The following CADM1 variants were observed in gnomAD, a reference collection of about 807,000 sequenced individuals.
CADM1 encodes cell adhesion molecule 1, also known as TSLC-1.
In CADM1, 15 loss-of-function variants were observed where a neutral mutation model predicts 53.1. The observed-to-expected ratio is 0.28, with a 90% confidence interval of 0.19 to 0.44. The LOEUF (loss-of-function observed/expected upper bound fraction) is 0.44. CADM1 is among the 20% of genes least tolerant of loss of function. CADM1 has a pLI of 1.00. For synonymous variants in CADM1, 281 were observed against 243.0 expected (o/e 1.16, Z -1.45); for missense variants, 434 against 611.3 (o/e 0.71, Z 3.06).
intron 1 of CADM1, among the ~76,000 whole-genome samples, chr11:115,387,167 A>G (rs942502972): frequency 6.6e-6 from 1 of 152,216 alleles, no homozygotes; most frequent in African/African-American, 2.4e-5. Context: ...TTCTCTTTGA[A>G]TATCTAATAA....
intron 1 of CADM1, among the ~76,000 whole-genome samples, chr11:115,492,735 C>T (rs570861717): frequency 6.6e-6 from 1 of 152,026 alleles, no homozygotes; most frequent in East Asian, 1.9e-4. Flanking sequence ...AAAGAAAACA[C>T]AAATAAGGAA....
At chr11:115,434,137 G>A (rs772251919) in intron 1 of CADM1, among the ~76,000 whole-genome samples, 42 of 152,126 alleles carry the variant, frequency 2.8e-4, no homozygotes, top group Non-Finnish European at 5.3e-4. Context: ...CTTTCACACT[G>A]GCTTCCCCAT....
In CADM1 at chr11:115,345,436, G is replaced by C. The variant is rs565182758; in HGVS notation, c.125-105016C>G. On this transcript the variant is annotated intron_variant, in intron 1 of 11. Coordinates refer to ENST00000331581, the MANE Select transcript of CADM1 (RefSeq NM_001301043.2). ...AATCTGACAGAAAGAATTGGATGGG[G>C]TTGAAAGCTGAAGTCCTGTAAGTTT... 2.6e-5 allele frequency among the ~76,000 whole-genome samples: 4 copies of C among 152,274 alleles called. No individual in the cohort carries two copies. The East Asian group carries it at 7.7e-4, about 29-fold the overall frequency.
intron 5 of CADM1, among the ~76,000 whole-genome samples, chr11:115,225,663 A>G (rs1175498777): frequency 6.6e-6 from 1 of 152,230 alleles, no homozygotes; most frequent in Non-Finnish European, 1.5e-5. Flanking sequence ...CTTGTCTTCT[A>G]TGCCATATGG....
chr11:115,412,265 C>T (rs1298089421), intron 1 of CADM1, among the ~76,000 whole-genome samples: 1 of 152,144 alleles, frequency 6.6e-6, no homozygotes, highest in Non-Finnish European at 1.5e-5. Context: ...ACAATCATGG[C>T]TCACTGCAAC....
chr11:115,338,884 T>TA (rs1287975018), intron 1 of CADM1, among the ~76,000 whole-genome samples: 23 of 128,538 alleles, frequency 1.8e-4, no homozygotes, highest in South Asian at 4.7e-4. Context: ...TTTATTTTTT[T>TA]TTTTTTAATT....
intron 1 of CADM1, among the ~76,000 whole-genome samples, chr11:115,441,121 G>T (rs552031858): frequency 6.7e-6 from 1 of 150,074 alleles, no homozygotes; most frequent in African/African-American, 2.5e-5. Flanking sequence ...TTTTTCTTCT[G>T]GGAAAAAAAA....
chr11:115,332,967 T>C (rs1945171798), intron 1 of CADM1, among the ~76,000 whole-genome samples: 1 of 152,066 alleles, frequency 6.6e-6, no homozygotes, highest in Non-Finnish European at 1.5e-5. Context: ...CAGGAACTCT[T>C]CACTTCTCAC....
At chr11:115,463,156 C>A (rs1948830413) in intron 1 of CADM1, among the ~76,000 whole-genome samples, 1 of 152,146 alleles carries the variant, frequency 6.6e-6, no homozygotes, top group African/African-American at 2.4e-5. Flanking sequence ...TCTGGGGACT[C>A]ACCAACCTCC....
chr11:115,276,251 C>G (rs904171224), intron 1 of CADM1, among the ~76,000 whole-genome samples: 2 of 152,198 alleles, frequency 1.3e-5, no homozygotes, highest in Admixed American at 1.3e-4. Flanking sequence ...TTAATTTCCA[C>G]TTGCAATGCA....
At chr11:115,478,029 T>C (rs1467363800) in intron 1 of CADM1, among the ~76,000 whole-genome samples, 1 of 152,254 alleles carries the variant, frequency 6.6e-6, no homozygotes, top group Non-Finnish European at 1.5e-5. Flanking sequence ...AATAAGTTAA[T>C]GCATTCCTGA....
At chr11:115,200,789 C>T (rs543134433) in intron 8 of CADM1, among the ~76,000 whole-genome samples, 4 of 152,242 alleles carry the variant, frequency 2.6e-5, no homozygotes, top group East Asian at 1.9e-4. Context: ...GCACCGTGCC[C>T]GGCATAAGCT....
At chr11:115,503,659 G>A (rs767321751) in intron 1 of CADM1, among the ~76,000 whole-genome samples, 24 of 152,208 alleles carry the variant, frequency 1.6e-4, no homozygotes, top group Non-Finnish European at 1.6e-4. Context: ...GCGAACGGCC[G>A]GAGGGAAACA....
chr11:115,469,488 T>C (rs1263285894), intron 1 of CADM1, among the ~76,000 whole-genome samples: 1 of 152,194 alleles, frequency 6.6e-6, no homozygotes, highest in Non-Finnish European at 1.5e-5. Context: ...GTCAGTCTCT[T>C]GTTCCACATA....
At chr11:115,264,120 C>A (rs146139536) in intron 1 of CADM1, among the ~76,000 whole-genome samples, 1 of 152,280 alleles carries the variant, frequency 6.6e-6, no homozygotes, top group Non-Finnish European at 1.5e-5. Context: ...GATCAACATT[C>A]ATTTTTTATT....
chr11:115,200,982 C>T (rs1305193226), intron 8 of CADM1, among the ~76,000 whole-genome samples: 1 of 152,184 alleles, frequency 6.6e-6, no homozygotes. Context: ...AGCTAGGCGT[C>T]TGCTCCTAGG....
chr11:115,214,813 T>C (rs376680394), intron 6 of CADM1, 33 bp from the exon 7 acceptor site: 2 of 1,607,240 alleles, frequency 1.2e-6, no homozygotes, highest in Non-Finnish European at 1.7e-6. Flanking sequence ...ACAAGTCACA[T>C]TATCATTCCC....
intron 8 of CADM1, among the ~76,000 whole-genome samples, chr11:115,205,830 G>T (rs754862503): frequency 7.9e-5 from 12 of 152,138 alleles, no homozygotes; most frequent in Non-Finnish European, 1.8e-4. Context: ...CTGTTTTATA[G>T]TTGGAAAAAA....
chr11:115,207,043 T>C (rs1330533945), intron 8 of CADM1, among the ~76,000 whole-genome samples: 1 of 152,094 alleles, frequency 6.6e-6, no homozygotes, highest in African/African-American at 2.4e-5. Context: ...GAGCAAATGT[T>C]AAATTCTACA....
Sources: gnomAD v4.1 joint callset for allele counts (sites outside exome capture counted in the v4.1 genomes callset) on GRCh38, gnomAD v4.1.1 for gene constraint, MANE v1.5 for transcripts, NCBI Gene and HGNC (gene_info 2026-07-23, HGNC 2026-07-21) for gene names.